Variants in MAP3K1 observed in about 807,000 individuals in gnomAD.
The protein encoded by MAP3K1 is MAP/ERK kinase kinase 1.
In MAP3K1, 36 loss-of-function variants were observed where a neutral mutation model predicts 144.2. That is an observed-to-expected ratio of 0.25 (90% CI 0.19 to 0.33). The LOEUF is 0.33. MAP3K1 is among the 10% of genes least tolerant of loss of function. The pLI is 1.00. For synonymous variants in MAP3K1, 718 were observed against 688.7 expected (o/e 1.04, Z -0.67); for missense variants, 1,650 against 1,881.9 (o/e 0.88, Z 2.28).
In MAP3K1 at chr5:56,887,389, C is replaced by T. The variant is rs2111961659; in HGVS notation, c.4126C>T (p.Leu1376=). ...GTGTTTGTTGACAGGTGCCAATTTG[C>T]TAATTGACAGCACTGGTCAGAGACT... ...IHRDVKGANL[L]IDSTGQRLRI... Residue 1376 remains leucine (L), a synonymous_variant, in exon 18 of 20, where the codon CTA becomes TTA. Coordinates refer to ENST00000399503, the MANE Select transcript of MAP3K1 (RefSeq NM_005921.2). The T allele has an allele frequency of 6.2e-7, 1 of 1,614,098 alleles. No individual in the cohort carries two copies. The highest frequency in any genetic ancestry group is 1.1e-5 in the South Asian group (1 of 91,084).
At chr5:56,862,354 G>T (rs1471006610) in intron 3 of MAP3K1, among the ~76,000 whole-genome samples, 1 of 152,158 alleles carries the variant, frequency 6.6e-6, no homozygotes, top group Non-Finnish European at 1.5e-5. Flanking sequence ...CTAGTTGCAT[G>T]CCCAAACCCA....
chr5:56,888,058 C>A, intron 18 of MAP3K1, 168 bp from the exon 19 acceptor site: 1 of 639,360 alleles, frequency 1.6e-6, no homozygotes, highest in Non-Finnish European at 2.7e-6. Context: ...TTTGTGCTAC[C>A]TGGAAAATTA....
intron 6 of MAP3K1, among the ~76,000 whole-genome samples, chr5:56,867,695 G>A (rs1384732428): frequency 6.6e-6 from 1 of 152,012 alleles, no homozygotes; most frequent in Non-Finnish European, 1.5e-5. Flanking sequence ...GCCTTTTGAA[G>A]AAAAAAGGAA....
chr5:56,891,159 C>CCCCA (rs1554036746), intron 19 of MAP3K1, among the ~76,000 whole-genome samples: 1 of 144,906 alleles, frequency 6.9e-6, no homozygotes, highest in Non-Finnish European at 1.5e-5. Flanking sequence ...CCCCCCCCCC[C>CCCCA]CACACACACA....
chr5:56,817,132 G>T, intron 1 of MAP3K1: 1 of 984,574 alleles, frequency 1.0e-6, no homozygotes, highest in Non-Finnish European at 1.2e-6. Flanking sequence ...TTAGACCAGC[G>T]GTTTATTGGC....
Position 56,888,262 on chromosome 5 carries a change from G to A in MAP3K1, c.4294G>A (p.Val1432Ile), listed in dbSNP as rs894804019. The A allele has an allele frequency of 8.7e-6, 14 of 1,613,608 alleles. No homozygotes were observed. The African/African-American group carries it at 1.6e-4, about 18-fold the overall frequency. The change falls in exon 19 of 20, where the codon GTA (valine) becomes ATA (isoleucine). Residue 1432 changes from valine to isoleucine, a missense_variant. Val to Ile is a conservative substitution (Grantham distance 29, BLOSUM62 3). Transcript: ENST00000399503. Reference protein sequence around the residue: ...RGQQYGRSCDVWSVGCAIIEM... With the variant: ...RGQQYGRSCDIWSVGCAIIEM... ...TCAACAGTATGGAAGGAGCTGTGAT[G>A]TATGGAGTGTTGGCTGTGCTATTAT...
At chr5:56,866,548 T>C (rs1747680617) in intron 6 of MAP3K1, among the ~76,000 whole-genome samples, 2 of 152,192 alleles carry the variant, frequency 1.3e-5, no homozygotes, top group Admixed American at 1.3e-4. Context: ...TATATTGCTT[T>C]ATTGGTTTTA....
Position 56,894,047 on chromosome 5 carries a change from C to T in MAP3K1, c.*367C>T. On this transcript the variant is annotated 3_prime_UTR_variant, in exon 20 of 20. Transcript: ENST00000399503. The stretch of plus-strand genomic sequence containing the variant: ...GATCTATTTTAATATTTCAATTATT[C>T]TTCCATTTCATATAGTGATCACAAG... 2.6e-6 allele frequency: 1 copy of T among 378,186 alleles called. No individual in the cohort carries two copies. The highest frequency in any genetic ancestry group is 4.9e-6 in the Non-Finnish European group (1 of 202,268). The allele number at this position is 378,186 out of a possible 1,614,324, so 23.4% of individuals were successfully genotyped here. A position where few individuals can be genotyped will look rare whatever the true frequency, so the allele number is the denominator to read the frequency against.
At chr5:56,873,953 C>G (rs548441622) in intron 9 of MAP3K1, among the ~76,000 whole-genome samples, 4 of 152,238 alleles carry the variant, frequency 2.6e-5, no homozygotes, top group South Asian at 2.1e-4. Flanking sequence ...CATGACCCAT[C>G]AAAGAACTCT....
At chr5:56,820,956 C>G (rs376829406) in intron 1 of MAP3K1, 1 of 273,688 alleles carries the variant, frequency 3.7e-6, no homozygotes, top group Non-Finnish European at 5.6e-6. Context: ...ACTGCATGTT[C>G]AGGCATGTTT....
Position 56,875,056 on chromosome 5 carries a change from T to C in MAP3K1, c.1711T>C (p.Cys571Arg). ...GGTGTTTGGAATGGAACTCGTTGGCTGCTTATTTTCTAGAAACTGGAATGT... is the reference window on the plus strand; with the variant it reads ...GGTGTTTGGAATGGAACTCGTTGGCCGCTTATTTTCTAGAAACTGGAATGT... ...IQVFGMELVG[C>R]LFSRNWNVRE... Residue 571 changes from cysteine to arginine, a missense_variant, in exon 10 of 20, where the codon TGC (cysteine) becomes CGC (arginine). By Grantham distance (180) the Cys-to-Arg change is radical. This residue lies in a region of MAP3K1 where 841 missense variants were observed against 886.5 expected (regional missense o/e 0.95). Coordinates refer to ENST00000399503, the MANE Select transcript of MAP3K1 (RefSeq NM_005921.2). 1.2e-6 allele frequency: 2 copies of C among 1,614,222 alleles called. No individual in the cohort carries two copies. Among genetic ancestry groups the C allele is most frequent in the South Asian group, 1.1e-5 (1 of 91,086 alleles).
intron 1 of MAP3K1, among the ~76,000 whole-genome samples, chr5:56,845,226 C>T (rs552072835): frequency 7.2e-5 from 11 of 152,288 alleles, no homozygotes; most frequent in South Asian, 4.1e-4. Flanking sequence ...AGACCACTTT[C>T]GTAAGTATGT....
At chr5:56,864,705 C>A in intron 3 of MAP3K1, 29 bp from the exon 4 acceptor site, 2 of 1,608,698 alleles carry the variant, frequency 1.2e-6, no homozygotes, top group Non-Finnish European at 1.7e-6. Context: ...AAATGAGAAA[C>A]GTACCTAATA....
Position 56,881,806 on chromosome 5 carries a change from T to A in MAP3K1, c.2606T>A (p.Ile869Asn). ...GATGAGGTGGAAATTGCCGAAGCCA[T>A]CCAGTTGGGCGTAGAAGACACTTTG... ...IADEVEIAEA[I>N]QLGVEDTLDG... Residue 869 changes from isoleucine (I) to asparagine (N), a missense_variant, in exon 14 of 20, where the codon ATC becomes AAC. Coordinates refer to ENST00000399503, the MANE Select transcript of MAP3K1 (RefSeq NM_005921.2). 1 of 1,614,070 alleles carries A rather than the reference T, an allele frequency of 6.2e-7. No individual in the cohort carries two copies. The highest frequency in any genetic ancestry group is 8.5e-7 in the Non-Finnish European group (1 of 1,180,018).
chr5:56,817,065 G>A (rs1746000315), intron 1 of MAP3K1: 1 of 985,282 alleles, frequency 1.0e-6, no homozygotes, highest in Non-Finnish European at 1.2e-6. Context: ...CAGTGCGGTG[G>A]GCTTCGGCTC....
chr5:56,822,684 G>A (rs1033575947), intron 1 of MAP3K1, among the ~76,000 whole-genome samples: 1 of 152,066 alleles, frequency 6.6e-6, no homozygotes, highest in Non-Finnish European at 1.5e-5. Flanking sequence ...GATCAGTTAT[G>A]GACCATTTAC....
Position 56,881,833 on chromosome 5 carries a change from A to G in MAP3K1, c.2633A>G (p.Asp878Gly), listed in dbSNP as rs778969592. Residue 878 changes from aspartate to glycine, a missense_variant, in exon 14 of 20, where the codon GAT (aspartate) becomes GGT (glycine). Transcript: ENST00000399503. The part of the protein sequence containing the change: ...AIQLGVEDTL[D>G]GQQDSFLQAS... ...CAGTTGGGCGTAGAAGACACTTTGGATGGTCAACAGGACAGCTTCTTGCAG... is the reference window on the plus strand; with the variant it reads ...CAGTTGGGCGTAGAAGACACTTTGGGTGGTCAACAGGACAGCTTCTTGCAG... The G allele has an allele frequency of 1.2e-6, 2 of 1,614,014 alleles. No homozygotes were observed. Among genetic ancestry groups the G allele is most frequent in the African/African-American group, 1.3e-5 (1 of 74,922 alleles).
Position 56,881,095 on chromosome 5 carries a change from TTGG to T in MAP3K1, c.2198_2200del (p.Gly733del), listed in dbSNP as rs2111938437. On this transcript the variant is annotated inframe_deletion, in exon 13 of 20. Transcript: ENST00000399503. ...TTCCTTTTTGTAGGATCCATTGGTA[TTGG>T]TGGTGTTGATTATGTCTTAAATTGT... 6.2e-7 allele frequency: 1 copy of T among 1,612,008 alleles called. No homozygotes were observed. Among genetic ancestry groups the T allele is most frequent in the Non-Finnish European group, 8.5e-7 (1 of 1,178,390 alleles).
intron 6 of MAP3K1, among the ~76,000 whole-genome samples, chr5:56,869,784 A>G (rs1044787122): frequency 1.3e-5 from 2 of 152,190 alleles, no homozygotes; most frequent in African/African-American, 4.8e-5. Context: ...TATTTTTGCC[A>G]TGAATATTTT....
Sources: gnomAD v4.1 joint callset for allele counts (sites outside exome capture counted in the v4.1 genomes callset) on GRCh38, gnomAD v4.1.1 for gene constraint, gnomAD v4.1.1 regional missense constraint, MANE v1.5 for transcripts, NCBI Gene and HGNC (gene_info 2026-07-23, HGNC 2026-07-21) for gene names.